Variants in NAALADL2 observed in about 807,000 individuals in gnomAD.
NAALADL2 encodes inactive N-acetylated-alpha-linked acidic dipeptidase-like protein 2.
In NAALADL2, 76 loss-of-function variants were observed where a neutral mutation model predicts 87.2. That is an observed-to-expected ratio of 0.87 (90% CI 0.72 to 1.05). The LOEUF (loss-of-function observed/expected upper bound fraction) is 1.05. NAALADL2 is among the 50% of genes least tolerant of loss of function. The probability of loss-of-function intolerance (pLI) is 0.00; values close to 1 mark genes in which losing one functional copy is unlikely to be tolerated. For synonymous variants in NAALADL2, 354 were observed against 331.0 expected, an observed-to-expected ratio of 1.07 and a Z score of -0.75; for missense variants, 1,089 against 945.8, an observed-to-expected ratio of 1.15 and a Z score of -1.99.
At chr3:175,661,570 A>T (rs1582811695) in intron 11 of NAALADL2, among the ~76,000 whole-genome samples, 1 of 151,534 alleles carries the variant, frequency 6.6e-6, no homozygotes, top group African/African-American at 2.4e-5. Context: ...CTTTCTAAAA[A>T]CTTTTTCCAG....
intron 1 of NAALADL2, among the ~76,000 whole-genome samples, chr3:174,946,043 C>CAAAAAAA (rs57964168): frequency 6.0e-5 from 3 of 50,262 alleles, no homozygotes; most frequent in Non-Finnish European, 7.7e-5. Context: ...GACTCTGCCT[C>CAAAAAAA]AAAAAAAAAA....
intron 3 of NAALADL2, among the ~76,000 whole-genome samples, chr3:174,821,544 G>C (rs1721419231): frequency 6.6e-6 from 1 of 152,142 alleles, no homozygotes; most frequent in South Asian, 2.1e-4. Context: ...GTTTTCCCCT[G>C]GTGAGCTATC....
intron 2 of NAALADL2, among the ~76,000 whole-genome samples, chr3:175,160,017 T>TTTTTTTTTTTTTTTTTAGA: frequency 6.6e-6 from 1 of 151,264 alleles, no homozygotes. Flanking sequence ...TTTTTTACTT[T>TTTTTTTTTTTTTTTTTAGA]TAGTAGAGAT....
intron 13 of NAALADL2, among the ~76,000 whole-genome samples, chr3:175,789,270 C>G (rs1752492020): frequency 7.0e-6 from 1 of 142,270 alleles, no homozygotes; most frequent in South Asian, 2.3e-4. Context: ...TCAACTTCTA[C>G]TGTAAAATTC....
chr3:175,422,326 G>A (rs528328636), intron 5 of NAALADL2, among the ~76,000 whole-genome samples: 1 of 152,192 alleles, frequency 6.6e-6, no homozygotes, highest in South Asian at 2.1e-4. Flanking sequence ...AGTTGGAAAA[G>A]TTTATTAATT....
intron 2 of NAALADL2, among the ~76,000 whole-genome samples, chr3:175,129,468 C>T (rs1378048201): frequency 6.6e-6 from 1 of 152,132 alleles, no homozygotes; most frequent in East Asian, 1.9e-4. Context: ...CAGCATCTCC[C>T]CATTCCCCAC....
At chr3:174,536,090 A>G (rs1721696675) in intron 1 of NAALADL2, among the ~76,000 whole-genome samples, 1 of 152,140 alleles carries the variant, frequency 6.6e-6, no homozygotes, top group South Asian at 2.1e-4. Flanking sequence ...AGCTTAAAGT[A>G]TACTCCCAGA....
intron 4 of NAALADL2, among the ~76,000 whole-genome samples, chr3:175,274,284 G>A (rs773174672): frequency 2.6e-5 from 4 of 152,074 alleles, no homozygotes; most frequent in Admixed American, 6.6e-5. Context: ...AAAATCCCAC[G>A]TCCATGATAC....
At chr3:174,787,801 C>T (rs898985955) in intron 3 of NAALADL2, among the ~76,000 whole-genome samples, 5 of 151,000 alleles carry the variant, frequency 3.3e-5, no homozygotes, top group Non-Finnish European at 7.4e-5. Context: ...CAAGTGTTTT[C>T]TAGTAACTTT....
intron 10 of NAALADL2, among the ~76,000 whole-genome samples, chr3:175,606,635 C>T (rs6781546): frequency 0.75 from 113,843 of 151,964 alleles, 42,840 homozygotes; most frequent in East Asian, 0.88. Context: ...CATCTACAGC[C>T]TTTGAATCCC....
Position 175,172,675 on chromosome 3 carries a change from A to G in NAALADL2, c.546-61256A>G, listed in dbSNP as rs960282808. Among the ~76,000 whole-genome samples the G allele has an allele frequency of 3.3e-5, 5 of 152,270 alleles. No homozygotes were observed. In the East Asian group the frequency reaches 7.7e-4, roughly 24 times the overall value. On this transcript the variant is annotated intron_variant, in intron 2 of 13. Coordinates refer to ENST00000454872, the MANE Select transcript of NAALADL2 (RefSeq NM_207015.3). ...TTGCTTATGACTTATGTTAATACAT[A>G]CTAGGTGGTAAGATACTAATTATAG...
chr3:175,388,399 T>C lies in NAALADL2; in HGVS notation c.1091-58830T>C, dbSNP rs74587822. ...ACTTAGTGTAGACATTGCTAGACAT[T>C]ATGTATGCTAGCTTTAAAATTTCAG... On this transcript the variant is annotated intron_variant, in intron 5 of 13. Coordinates refer to ENST00000454872, the MANE Select transcript of NAALADL2 (RefSeq NM_207015.3). Among the ~76,000 whole-genome samples, 680 of 152,234 alleles carry C rather than the reference T, an allele frequency of 4.5e-3. 12 individuals carry two copies. The highest frequency in any genetic ancestry group is 0.016 in the African/African-American group (651 of 41,570).
chr3:174,844,351 G>C (rs1724357276), intron 3 of NAALADL2, among the ~76,000 whole-genome samples: 1 of 152,186 alleles, frequency 6.6e-6, no homozygotes, highest in Non-Finnish European at 1.5e-5. Flanking sequence ...TGATTTATGT[G>C]TTCCATTTTT....
intron 1 of NAALADL2, among the ~76,000 whole-genome samples, chr3:175,016,861 TAATC>T (rs1214991525): frequency 6.6e-6 from 1 of 152,066 alleles, no homozygotes; most frequent in Non-Finnish European, 1.5e-5. Context: ...TTATGTGTAA[TAATC>T]AATTCAGGGT....
intron 5 of NAALADL2, among the ~76,000 whole-genome samples, chr3:175,393,571 G>A (rs1196364182): frequency 6.6e-6 from 1 of 151,948 alleles, no homozygotes; most frequent in African/African-American, 2.4e-5. Context: ...AACATGCGGT[G>A]AATCTATTTT....
chr3:175,645,502 A>T (rs1729879586), intron 11 of NAALADL2, among the ~76,000 whole-genome samples: 1 of 152,074 alleles, frequency 6.6e-6, no homozygotes, highest in Non-Finnish European at 1.5e-5. Flanking sequence ...CTAGTCTGGG[A>T]CGTCTGGAAA....
intron 11 of NAALADL2, among the ~76,000 whole-genome samples, chr3:175,655,282 A>G (rs957972144): frequency 6.6e-6 from 1 of 152,040 alleles, no homozygotes; most frequent in African/African-American, 2.4e-5. Context: ...AAAATAGGTG[A>G]GTATCTACAT....
chr3:175,487,995 G>A (rs1727545284), intron 9 of NAALADL2, among the ~76,000 whole-genome samples: 1 of 152,148 alleles, frequency 6.6e-6, no homozygotes, highest in Non-Finnish European at 1.5e-5. Flanking sequence ...AAACACTACT[G>A]AAATGGAAAT....
chr3:175,721,967 T>A (rs1201440855), intron 11 of NAALADL2, among the ~76,000 whole-genome samples: 1 of 152,072 alleles, frequency 6.6e-6, no homozygotes, highest in African/African-American at 2.4e-5. Flanking sequence ...TTGTATATGG[T>A]ATGTTTACCA....
Sources: allele counts gnomAD v4.1 joint callset (sites outside exome capture counted in the v4.1 genomes callset), GRCh38; gene constraint gnomAD v4.1.1; transcripts MANE v1.5; gene names NCBI Gene and HGNC (gene_info 2026-07-23, HGNC 2026-07-21).